The following NETO1 variants were observed in gnomAD, a reference collection of about 807,000 sequenced individuals.
NETO1 encodes neuropilin and tolloid-like protein 1.
Under a neutral mutation model 61.3 loss-of-function variants are expected in NETO1, and 26 were observed. The ratio of observed to expected loss-of-function variants is 0.42; its 90% CI spans 0.31 to 0.59. NETO1 has a LOEUF of 0.59. Among genes scored for constraint, NETO1 ranks in the 20% least tolerant of loss-of-function variants. NETO1 has a pLI of 0.12. For missense variants in NETO1, 531 were observed against 662.8 expected (o/e 0.80, Z 2.18); for synonymous variants, 225 against 225.8 (o/e 1.00, Z 0.03).
chr18:72,861,064 T>C (rs2074557409), intron 3 of NETO1, among the ~76,000 whole-genome samples: 1 of 152,228 alleles, frequency 6.6e-6, no homozygotes, highest in South Asian at 2.1e-4. Flanking sequence ...CTGTCATCTT[T>C]TAACACGCAC....
intron 1 of NETO1, among the ~76,000 whole-genome samples, chr18:72,866,042 C>G (rs886269548): frequency 1.3e-5 from 2 of 152,196 alleles, no homozygotes; most frequent in Non-Finnish European, 1.5e-5. Flanking sequence ...ATAATCTAAA[C>G]TTGTTTTACT....
At chr18:72,860,753 T>G (rs2074547057) in intron 3 of NETO1, among the ~76,000 whole-genome samples, 1 of 151,938 alleles carries the variant, frequency 6.6e-6, no homozygotes, top group South Asian at 2.1e-4. Flanking sequence ...TTTCTTTTTT[T>G]TGGAAATTTG....
At chr18:72,743,659 A>C (rs2070374006), downstream of NETO1, 1 of 152,200 alleles carries the variant, frequency 6.6e-6, no homozygotes, top group African/African-American at 2.4e-5. Context: ...CAAAGTACTT[A>C]GGAAGGAGCT....
intron 7 of NETO1, among the ~76,000 whole-genome samples, chr18:72,767,530 T>C (rs913968548): frequency 1.3e-5 from 2 of 152,232 alleles, no homozygotes; most frequent in African/African-American, 4.8e-5. Flanking sequence ...TTGGTCAAAT[T>C]ACTTAAGAAA....
At chr18:72,826,523 T>C (rs1254209042) in intron 4 of NETO1, among the ~76,000 whole-genome samples, 1 of 135,968 alleles carries the variant, frequency 7.4e-6, no homozygotes, top group Non-Finnish European at 1.7e-5. Context: ...GTTTTTCTTA[T>C]ACCACTTTTT....
At chr18:72,743,330 T>C (rs17292947), downstream of NETO1, among the ~76,000 whole-genome samples, 20,528 of 152,212 alleles carry the variant, frequency 0.13, 1,666 homozygotes, top group African/African-American at 0.2. Context: ...TTGTCTCCAT[T>C]CTTCAAGACC....
chr18:72,777,417 C>T (rs1472470957), intron 7 of NETO1, among the ~76,000 whole-genome samples: 1 of 99,142 alleles, frequency 1.0e-5, no homozygotes, highest in African/African-American at 3.7e-5. Context: ...GAAACTCCAT[C>T]TGAAAAAAAA....
At chr18:72,797,122 C>T (rs982019705) in intron 4 of NETO1, among the ~76,000 whole-genome samples, 9 of 152,054 alleles carry the variant, frequency 5.9e-5, no homozygotes, top group Admixed American at 3.9e-4. Flanking sequence ...AAGAATAATG[C>T]TTAATTATAT....
intron 7 of NETO1, among the ~76,000 whole-genome samples, chr18:72,766,218 ATATGTGTG>A (rs1252289052): frequency 2.7e-5 from 2 of 75,300 alleles, no homozygotes; most frequent in African/African-American, 9.1e-5. Context: ...AAAAAAAAAA[ATATGTGTG>A]TGTGTGTGTG....
intron 7 of NETO1, among the ~76,000 whole-genome samples, chr18:72,778,037 G>A (rs1381711241): frequency 6.6e-6 from 1 of 152,154 alleles, no homozygotes; most frequent in Non-Finnish European, 1.5e-5. Flanking sequence ...CAGCTTTGCT[G>A]ATCAAAATGT....
intron 4 of NETO1, among the ~76,000 whole-genome samples, chr18:72,822,790 A>G (rs2073242431): frequency 6.6e-6 from 1 of 152,178 alleles, no homozygotes; most frequent in South Asian, 2.1e-4. Flanking sequence ...TGTACATATA[A>G]TCATATTTCC....
At chr18:72,846,073 G>C (rs923633932) in intron 4 of NETO1, among the ~76,000 whole-genome samples, 5 of 151,884 alleles carry the variant, frequency 3.3e-5, no homozygotes, top group African/African-American at 1.2e-4. Flanking sequence ...ACTGTATCTG[G>C]ATTTTTTTCC....
rs537536984 is a variant in NETO1, at chr18:72,762,903, T to A, written c.869-6756A>T. Among the ~76,000 whole-genome samples the A allele has an allele frequency of 3.3e-5, 5 of 152,236 alleles. No individual in the cohort carries two copies. The South Asian group carries it at 1.0e-3, about 32-fold the overall frequency. On this transcript the variant is annotated intron_variant, in intron 7 of 10. Transcript: ENST00000327305. ...CATATTTTAGTCATGTAGGAGAAGATAAAATAAAGCCACAACACTCAAAAT... is the reference window on the plus strand; with the variant it reads ...CATATTTTAGTCATGTAGGAGAAGAAAAAATAAAGCCACAACACTCAAAAT...
At chr18:72,789,210 GCACACACACACACACA>G (rs71166426) in intron 6 of NETO1, among the ~76,000 whole-genome samples, 5 of 141,460 alleles carry the variant, frequency 3.5e-5, no homozygotes, top group African/African-American at 1.0e-4. Context: ...TAACACACAA[GCACACACACACACACA>G]CACACACACA....
chr18:72,770,892 T>G (rs2071331893), intron 7 of NETO1, among the ~76,000 whole-genome samples: 1 of 152,188 alleles, frequency 6.6e-6, no homozygotes, highest in African/African-American at 2.4e-5. Flanking sequence ...TCTTTGATTC[T>G]TTAAAATAAC....
chr18:72,752,411 G>A (rs375989723), intron 8 of NETO1, among the ~76,000 whole-genome samples: 12 of 152,142 alleles, frequency 7.9e-5, no homozygotes, highest in African/African-American at 1.9e-4. Flanking sequence ...TGTTAAAACC[G>A]TGTTGCCCAA....
chr18:72,817,150 T>C (rs1235102929), intron 4 of NETO1, among the ~76,000 whole-genome samples: 1 of 152,190 alleles, frequency 6.6e-6, no homozygotes, highest in Non-Finnish European at 1.5e-5. Context: ...CTTTCACCAA[T>C]AGAATGGAGC....
rs183883376 is a variant in NETO1 at position 72,821,424 on chromosome 18, G to A, written c.470-27020C>T. Among the ~76,000 whole-genome samples the A allele has an allele frequency of 2.3e-4, 35 of 151,570 alleles. No homozygotes were observed. The East Asian group carries it at 5.1e-3, about 22-fold the overall frequency. The stretch of plus-strand genomic sequence containing the variant: ...AGAAACAAGAAAAAAAAAATAGCCA[G>A]GCGTGGTGGCACATGCCTATAATCC... On this transcript the variant is annotated intron_variant, in intron 4 of 10. Coordinates refer to ENST00000327305, the MANE Select transcript of NETO1 (RefSeq NM_138966.5).
intron 4 of NETO1, among the ~76,000 whole-genome samples, chr18:72,811,067 C>A (rs1399139523): frequency 6.6e-6 from 1 of 152,126 alleles, no homozygotes; most frequent in South Asian, 2.1e-4. Flanking sequence ...ATCTCTACTA[C>A]CTCCTTCCCT....
Sources: allele counts gnomAD v4.1 joint callset (sites outside exome capture counted in the v4.1 genomes callset), GRCh38; gene constraint gnomAD v4.1.1; transcripts MANE v1.5; gene names NCBI Gene and HGNC (gene_info 2026-07-23, HGNC 2026-07-21).